Variants in FSTL4 observed in about 807,000 individuals in gnomAD.
FSTL4 encodes the protein follistatin-related protein 4.
In FSTL4, 28 loss-of-function variants were observed where a neutral mutation model predicts 78.2. The ratio of observed to expected loss-of-function variants is 0.36; its 90% CI spans 0.27 to 0.49. The LOEUF is 0.49. FSTL4 is among the 20% of genes least tolerant of loss of function. The pLI is 0.98. For missense variants in FSTL4, 922 were observed against 1,084.9 expected (o/e 0.85, Z 2.11); for synonymous variants, 422 against 440.5 (o/e 0.96, Z 0.53).
chr5:133,215,802 C>T lies in FSTL4; in HGVS notation c.1608+1427G>A, dbSNP rs189252284. ...ATTTCTTGTATCCCTTGGCTTCTGG[C>T]CCCTTCATCCCATCTTCAAAGACAG... On this transcript the variant is annotated intron_variant, in intron 13 of 15. Transcript: ENST00000265342. 2.1e-3 allele frequency among the ~76,000 whole-genome samples: 321 copies of T among 152,284 alleles called. 2 individuals are homozygous for T. The highest frequency in any genetic ancestry group is 3.6e-3 in the Non-Finnish European group (247 of 68,022).
intron 3 of FSTL4, among the ~76,000 whole-genome samples, chr5:133,505,891 A>G (rs1267667522): frequency 6.6e-6 from 1 of 152,258 alleles, no homozygotes; most frequent in Non-Finnish European, 1.5e-5. Context: ...CCAATCAACT[A>G]CACTTCTTCT....
chr5:133,825,101 G>A, the FSTL4 span, among the ~76,000 whole-genome samples: 2 of 152,140 alleles, frequency 1.3e-5, no homozygotes, highest in Admixed American at 6.5e-5. Context: ...GAGACACTGA[G>A]GTCACTCAGG....
At chr5:133,590,830 T>C (rs1214407004) in intron 2 of FSTL4, among the ~76,000 whole-genome samples, 1 of 152,114 alleles carries the variant, frequency 6.6e-6, no homozygotes, top group Non-Finnish European at 1.5e-5. Flanking sequence ...AAGTCCAAGA[T>C]TGAGGGGCTG....
intron 4 of FSTL4, among the ~76,000 whole-genome samples, chr5:133,398,789 C>T (rs956379632): frequency 1.3e-5 from 2 of 152,190 alleles, no homozygotes; most frequent in Non-Finnish European, 2.9e-5. Context: ...AGTACCAGAA[C>T]TGAGATGCCA....
At chr5:133,285,909 G>A (rs1313397186) in intron 6 of FSTL4, among the ~76,000 whole-genome samples, 1 of 152,218 alleles carries the variant, frequency 6.6e-6, no homozygotes, top group Non-Finnish European at 1.5e-5. Flanking sequence ...TCTCAGGGTT[G>A]ACCACTTGCC....
At chr5:133,469,056 G>T (rs780286244) in intron 3 of FSTL4, among the ~76,000 whole-genome samples, 15 of 152,212 alleles carry the variant, frequency 9.9e-5, no homozygotes, top group Non-Finnish European at 1.8e-4. Flanking sequence ...CCTCACAGAA[G>T]TCAGTGCATC....
At chr5:133,444,159 A>T (rs913815857) in intron 3 of FSTL4, among the ~76,000 whole-genome samples, 1 of 152,182 alleles carries the variant, frequency 6.6e-6, no homozygotes, top group African/African-American at 2.4e-5. Flanking sequence ...ATGTTTGTTA[A>T]ATGACTAAAC....
At chr5:133,799,289 C>T in the FSTL4 span, among the ~76,000 whole-genome samples, 5 of 138,180 alleles carry the variant, frequency 3.6e-5, 1 homozygote, top group Admixed American at 2.2e-4. Flanking sequence ...TGAGCCATCC[C>T]TGCAGACCTT....
intron 14 of FSTL4, among the ~76,000 whole-genome samples, chr5:133,207,104 G>T: frequency 6.6e-6 from 1 of 152,072 alleles, no homozygotes. Flanking sequence ...TTTATATGGA[G>T]ACATACTAAA....
chr5:133,520,566 T>A (rs1342866494), intron 3 of FSTL4, among the ~76,000 whole-genome samples: 1 of 151,982 alleles, frequency 6.6e-6, no homozygotes, highest in African/African-American at 2.4e-5. Context: ...AGGTGCTAAG[T>A]GTGAAATTAG....
intron 12 of FSTL4, among the ~76,000 whole-genome samples, chr5:133,218,147 AC>A (rs1474115643): frequency 6.6e-6 from 1 of 152,064 alleles, no homozygotes; most frequent in Non-Finnish European, 1.5e-5. Flanking sequence ...TCTACTGAAA[AC>A]CTGGCAAGTC....
chr5:133,311,856 G>A (rs890587861), intron 6 of FSTL4, among the ~76,000 whole-genome samples: 2 of 152,256 alleles, frequency 1.3e-5, no homozygotes, highest in African/African-American at 4.8e-5. Context: ...CTAATGTAAG[G>A]GGCTTCATCT....
chr5:133,262,855 G>C (rs532054610), intron 6 of FSTL4, among the ~76,000 whole-genome samples: 34 of 152,072 alleles, frequency 2.2e-4, no homozygotes, highest in Admixed American at 1.4e-3. Context: ...CAGGTGGTGT[G>C]GGGGGAGGTG....
chr5:133,840,433 A>T, the FSTL4 span, among the ~76,000 whole-genome samples: 1 of 152,258 alleles, frequency 6.6e-6, no homozygotes, highest in Admixed American at 6.5e-5. Flanking sequence ...TGATAATAAA[A>T]AATGGAGGCA....
chr5:133,372,336 G>T (rs1284237281), intron 4 of FSTL4, among the ~76,000 whole-genome samples: 1 of 151,984 alleles, frequency 6.6e-6, no homozygotes, highest in Non-Finnish European at 1.5e-5. Flanking sequence ...GACTGTGTGT[G>T]ATCCTAGTCT....
chr5:133,255,190 G>A (rs1752354698), intron 6 of FSTL4, among the ~76,000 whole-genome samples: 1 of 152,326 alleles, frequency 6.6e-6, no homozygotes, highest in Non-Finnish European at 1.5e-5. Flanking sequence ...GCCAGACGCT[G>A]TGTCTGGGGT....
intron 2 of FSTL4, among the ~76,000 whole-genome samples, chr5:133,572,318 G>T (rs939734341): frequency 6.6e-6 from 1 of 152,018 alleles, no homozygotes; most frequent in Non-Finnish European, 1.5e-5. Flanking sequence ...GTGCACATTT[G>T]CTATACAGGT....
At chr5:133,752,868 TA>T in the FSTL4 span, among the ~76,000 whole-genome samples, 2 of 152,138 alleles carry the variant, frequency 1.3e-5, no homozygotes, top group African/African-American at 2.4e-5. Context: ...TCTCCCCTTC[TA>T]ATGAGGTCAA....
chr5:133,373,390 G>C (rs1013418093), intron 4 of FSTL4, among the ~76,000 whole-genome samples: 2 of 152,180 alleles, frequency 1.3e-5, no homozygotes, highest in African/African-American at 4.8e-5. Flanking sequence ...TTTTCCGAGG[G>C]TAACTTCCTT....
Sources: allele counts gnomAD v4.1 joint callset (sites outside exome capture counted in the v4.1 genomes callset), GRCh38; gene constraint gnomAD v4.1.1; transcripts MANE v1.5; gene names NCBI Gene and HGNC (gene_info 2026-07-23, HGNC 2026-07-21).